LZTFL1: variants seen among roughly 807,000 people sequenced by gnomAD.
The protein encoded by LZTFL1 is leucine zipper transcription factor-like protein 1.
Under a neutral mutation model 45.9 loss-of-function variants are expected in LZTFL1, and 25 were observed. The observed-to-expected ratio is 0.54, with a 90% confidence interval of 0.40 to 0.76. LZTFL1 has a LOEUF of 0.76. LZTFL1 is among the 30% of genes least tolerant of loss of function. The pLI is 0.00. For missense variants in LZTFL1, 277 were observed against 331.1 expected, an observed-to-expected ratio of 0.84 and a Z score of 1.27; for synonymous variants, 93 against 117.4, an observed-to-expected ratio of 0.79 and a Z score of 1.35.
chr3:45,910,014 G>A (rs1033654694), intron 2 of LZTFL1, among the ~76,000 whole-genome samples: 6 of 152,218 alleles, frequency 3.9e-5, no homozygotes, highest in African/African-American at 1.4e-4. Context: ...TTATGAGTGA[G>A]AGGGAAGTCA....
intron 3 of LZTFL1, 157 bp from the exon 4 acceptor site, chr3:45,834,455 G>T (rs1349701043): frequency 1.9e-6 from 1 of 517,442 alleles, no homozygotes; most frequent in African/African-American, 1.9e-5. Flanking sequence ...GTTGCAAATG[G>T]TTGAGAACCT....
intron 4 of LZTFL1, among the ~76,000 whole-genome samples, chr3:45,851,813 A>G (rs1379180194): frequency 4.1e-5 from 6 of 146,700 alleles, no homozygotes; most frequent in Admixed American, 1.4e-4. Flanking sequence ...ACACCACTGC[A>G]CTCCAGCCTG....
rs1260365314 is a variant in LZTFL1 at position 45,831,062 on chromosome 3, T to A, written c.522+11A>T. 5 of 1,608,874 alleles carry A rather than the reference T, an allele frequency of 3.1e-6. No homozygotes were observed. In the South Asian group the frequency reaches 5.5e-5, roughly 18 times the overall value. On this transcript the variant is annotated intron_variant, in intron 6 of 9. Coordinates refer to ENST00000296135, the MANE Select transcript of LZTFL1 (RefSeq NM_020347.4). ...CAGTTCAATAATTGTGTCAAAACATTTCTCAGTTACCTGTATTTCAATGGT... is the reference window on the plus strand; with the variant it reads ...CAGTTCAATAATTGTGTCAAAACATATCTCAGTTACCTGTATTTCAATGGT...
chr3:45,839,182 G>A (rs1266019821), intron 1 of LZTFL1, among the ~76,000 whole-genome samples: 1 of 152,106 alleles, frequency 6.6e-6, no homozygotes, highest in African/African-American at 2.4e-5. Context: ...TCCGCCTCCT[G>A]GGTTCATGCC....
In LZTFL1 at chr3:45,828,727, T is replaced by G. The variant is rs943313088; in HGVS notation, c.601-112A>C. 27 of 951,334 alleles carry G rather than the reference T, an allele frequency of 2.8e-5. 1 individual carries two copies. The highest frequency in any genetic ancestry group is 1.0e-4 in the Admixed American group (4 of 39,788). The allele number at this position is 951,334 out of a possible 1,614,324, so 58.9% of individuals were successfully genotyped here. A position where few individuals can be genotyped will look rare whatever the true frequency, so the allele number is the denominator to read the frequency against. ...TGAAAAAAATGATGTATGTTTTGTG[T>G]GCATGCCAGCCTCCCTTGCCAGCCT... On this transcript the variant is annotated intron_variant, in intron 7 of 9. Transcript: ENST00000296135.
rs1432578373 is a variant in LZTFL1 at position 45,901,770 on chromosome 3, C to G, written c.-215+11350G>C. ...TGTGGGTGAGAGATTCCGCCGGGAT[C>G]TCGTGAAAACCCTGAAGAACTTGGG... is the stretch of plus-strand genomic sequence containing the variant. On this transcript the variant is annotated intron_variant, in intron 2 of 4. Transcript: ENST00000472635. This position sits in a 1 kb window ranked among gnomAD's most constrained non-coding sequence, Gnocchi z 4.3. 4 of 1,614,178 alleles carry G rather than the reference C, an allele frequency of 2.5e-6. No homozygotes were observed. The highest frequency in any genetic ancestry group is 3.4e-6 in the Non-Finnish European group (4 of 1,180,050).
chr3:45,870,380 G>T (rs117562965), intron 2 of LZTFL1, among the ~76,000 whole-genome samples: 1 of 152,234 alleles, frequency 6.6e-6, no homozygotes, highest in Non-Finnish European at 1.5e-5. Flanking sequence ...CTGCTTGCAT[G>T]TGGTTCAGAC....
chr3:45,826,220 G>A lies in LZTFL1; in HGVS notation c.*94C>T. 1 of 1,025,024 alleles carries A rather than the reference G, an allele frequency of 9.8e-7. No individual in the cohort carries two copies. The highest frequency in any genetic ancestry group is 1.4e-5 in the South Asian group (1 of 72,378). The allele number at this position is 1,025,024 out of a possible 1,614,324, so 63.5% of individuals were successfully genotyped here. On this transcript the variant is annotated 3_prime_UTR_variant, in exon 10 of 10. Coordinates refer to ENST00000296135, the MANE Select transcript of LZTFL1 (RefSeq NM_020347.4). ...AGTCTAAATATTAGAAAAATAAGGA[G>A]AGGGGATATGACAAAATGCTTTTCA...
intron 2 of LZTFL1, among the ~76,000 whole-genome samples, chr3:45,870,801 C>T (rs1701659643): frequency 6.6e-6 from 1 of 152,210 alleles, no homozygotes; most frequent in Non-Finnish European, 1.5e-5. Flanking sequence ...CCACCTTCCA[C>T]CACCCCCTGA....
intron 2 of LZTFL1, among the ~76,000 whole-genome samples, chr3:45,890,145 C>T (rs1475436105): frequency 6.8e-6 from 1 of 147,952 alleles, no homozygotes; most frequent in Non-Finnish European, 1.5e-5. Flanking sequence ...CAAAGCCATT[C>T]TTTCTTCTTT....
chr3:45,912,392 C>T lies in LZTFL1; in HGVS notation c.-215+728G>A, dbSNP rs144472511. Among the ~76,000 whole-genome samples, 121 of 152,328 alleles carry T rather than the reference C, an allele frequency of 7.9e-4. 1 individual carries two copies. In the Middle Eastern group the frequency reaches 0.014, roughly 17 times the overall value. On this transcript the variant is annotated intron_variant, in intron 2 of 4. Coordinates refer to the LZTFL1 transcript ENST00000472635. The stretch of plus-strand genomic sequence containing the variant: ...TATAAAGTGACTTTGCAGTTCCTCC[C>T]ATCCAGAGGAGTCCCTTTTCCCACA...
At chr3:45,906,854 T>C (rs1442393168) in intron 2 of LZTFL1, among the ~76,000 whole-genome samples, 1 of 152,208 alleles carries the variant, frequency 6.6e-6, no homozygotes, top group African/African-American at 2.4e-5. Context: ...CTGTTGGCTT[T>C]CCTCTTCTCC....
At chr3:45,898,608 A>G (rs1234237711) in intron 2 of LZTFL1, among the ~76,000 whole-genome samples, 2 of 152,232 alleles carry the variant, frequency 1.3e-5, no homozygotes, top group Non-Finnish European at 2.9e-5. Flanking sequence ...AGATGGAGTC[A>G]GGACTAGATG....
chr3:45,824,779 G>T lies in LZTFL1; in HGVS notation c.*1535C>A. 2.5e-6 allele frequency: 1 copy of T among 398,240 alleles called. No homozygotes were observed. The highest frequency in any genetic ancestry group is 4.4e-6 in the Non-Finnish European group (1 of 225,818). 24.7% of individuals were successfully genotyped at this position (398,240 alleles called of 1,614,324 possible). A position where few individuals can be genotyped will look rare whatever the true frequency, so the allele number is the denominator to read the frequency against. ...ACAGACAATGGAATGGATTTTTGGA[G>T]AGAGTGTCAATTTAGGGCTAAAGAA... On this transcript the variant is annotated 3_prime_UTR_variant, in exon 10 of 10. Transcript: ENST00000296135.
intron 2 of LZTFL1, chr3:45,897,593 C>A (rs1315222448): frequency 1.3e-6 from 2 of 1,535,862 alleles, no homozygotes; most frequent in Non-Finnish European, 1.7e-6. Flanking sequence ...ATCACCTTCC[C>A]TCGCTGGCCC....
At chr3:45,904,445 A>G (rs534351575) in intron 2 of LZTFL1, among the ~76,000 whole-genome samples, 1 of 152,316 alleles carries the variant, frequency 6.6e-6, no homozygotes, top group South Asian at 2.1e-4. Flanking sequence ...TTGGTGTCCA[A>G]GGCTTTGGCC....
intron 2 of LZTFL1, chr3:45,895,086 A>C: frequency 1.0e-6 from 1 of 956,498 alleles, no homozygotes; most frequent in Non-Finnish European, 1.7e-6. Flanking sequence ...TCTGCCTGGC[A>C]ATGCGCATTG....
intron 2 of LZTFL1, among the ~76,000 whole-genome samples, chr3:45,897,890 T>C (rs1702409274): frequency 6.7e-6 from 1 of 148,618 alleles, no homozygotes; most frequent in Non-Finnish European, 1.5e-5. Context: ...GCAAGACCCC[T>C]GGGCCCTCAT....
At chr3:45,893,735 T>G (rs185596214) in intron 2 of LZTFL1, among the ~76,000 whole-genome samples, 1 of 152,300 alleles carries the variant, frequency 6.6e-6, no homozygotes, top group African/African-American at 2.4e-5. Context: ...TACCACAGAG[T>G]AAAGCTGTAA....
Sources: gnomAD v4.1 joint callset for allele counts (sites outside exome capture counted in the v4.1 genomes callset) on GRCh38, gnomAD v4.1.1 for gene constraint, Gnocchi (gnomAD v3.1) non-coding constraint, MANE v1.5 for transcripts, NCBI Gene and HGNC (gene_info 2026-07-23, HGNC 2026-07-21) for gene names.